GSK3B: variants seen among roughly 807,000 people sequenced by gnomAD.
GSK3B encodes the protein glycogen synthase kinase-3 beta.
Under a neutral mutation model 56.4 loss-of-function variants are expected in GSK3B, and 15 were observed. That is an observed-to-expected ratio of 0.27 (90% CI 0.18 to 0.41). The LOEUF (loss-of-function observed/expected upper bound fraction) is 0.41. Among genes scored for constraint, GSK3B ranks in the 10% least tolerant of loss-of-function variants. The pLI is 1.00. For missense variants in GSK3B, 300 were observed against 513.4 expected (o/e 0.58, Z 4.02); for synonymous variants, 181 against 188.9 (o/e 0.96, Z 0.34).
chr3:120,043,179 C>T (rs2058077214), intron 1 of GSK3B, among the ~76,000 whole-genome samples: 1 of 152,108 alleles, frequency 6.6e-6, no homozygotes, highest in Non-Finnish European at 1.5e-5. Flanking sequence ...TTACCTGCGG[C>T]TTCTAACCAC....
chr3:119,986,400 C>G (rs549533496), intron 2 of GSK3B, among the ~76,000 whole-genome samples: 2 of 151,978 alleles, frequency 1.3e-5, no homozygotes, highest in Non-Finnish European at 2.9e-5. Flanking sequence ...AACAGGCAAC[C>G]TACAGAATGG....
chr3:119,901,055 T>C (rs2056619719), intron 7 of GSK3B, among the ~76,000 whole-genome samples: 1 of 152,176 alleles, frequency 6.6e-6, no homozygotes, highest in Non-Finnish European at 1.5e-5. Context: ...GACTCTCTTC[T>C]ACAAAGCTCC....
rs558584882 is a variant in GSK3B at position 119,964,575 on chromosome 3, T to C, written c.283-17224A>G. ...GAATCAAACCTATATAAGTAGACAA[T>C]AGAATGGTGGTTACTAGGAGACAGG... On this transcript the variant is annotated intron_variant, in intron 2 of 10. Transcript: ENST00000264235. Among the ~76,000 whole-genome samples the C allele has an allele frequency of 2.0e-5, 3 of 152,168 alleles. No homozygotes were observed. The East Asian group carries it at 5.8e-4, about 29-fold the overall frequency.
rs1421363547 is a variant in GSK3B, at chr3:120,082,398, T to TA, written c.88+10948_88+10949insT. Among the ~76,000 whole-genome samples, 5 of 127,918 alleles carry TA rather than the reference T, an allele frequency of 3.9e-5. No homozygotes were observed. The East Asian group carries it at 1.0e-3, about 27-fold the overall frequency. 83.9% of individuals were successfully genotyped at this position (127,918 alleles called of 152,430 possible). ...AATTAGTATGTTCTTTTTTTTTTTT[T>TA]TTTTTTTTTTTTTTTTGAGAAAGAG... On this transcript the variant is annotated intron_variant, in intron 1 of 10. Coordinates refer to ENST00000264235, the MANE Select transcript of GSK3B (RefSeq NM_001146156.2).
intron 3 of GSK3B, among the ~76,000 whole-genome samples, chr3:119,946,132 T>C (rs889843983): frequency 4.0e-5 from 6 of 150,564 alleles, no homozygotes; most frequent in African/African-American, 1.5e-4. Flanking sequence ...AAAGGGCCAA[T>C]TTGCTAACTA....
At chr3:120,018,528 G>A (rs149763426) in intron 1 of GSK3B, among the ~76,000 whole-genome samples, 69 of 152,248 alleles carry the variant, frequency 4.5e-4, no homozygotes, top group African/African-American at 1.6e-3. Context: ...TTTAGACTGT[G>A]TAGTATTAAA....
At chr3:120,083,181 T>C (rs2058435805) in intron 1 of GSK3B, among the ~76,000 whole-genome samples, 1 of 152,188 alleles carries the variant, frequency 6.6e-6, no homozygotes, top group South Asian at 2.1e-4. Context: ...TCCAGGTATA[T>C]TTATCAAACA....
Position 119,935,500 on chromosome 3 carries a change from G to C in GSK3B, c.366+11768C>G, listed in dbSNP as rs72967200. On this transcript the variant is annotated intron_variant, in intron 3 of 10. Transcript: ENST00000264235. Reference sequence around the variant, plus strand: ...ATATGAACCCACTTTTACTTTCCTAGCCTCATCTCCACTACAATCCCCACT... The same window carrying C: ...ATATGAACCCACTTTTACTTTCCTACCCTCATCTCCACTACAATCCCCACT... Among the ~76,000 whole-genome samples the C allele has an allele frequency of 6.9e-3, 1,054 of 152,134 alleles. 8 individuals carry two copies. Among genetic ancestry groups the C allele is most frequent in the African/African-American group, 0.024 (999 of 41,504 alleles).
intron 5 of GSK3B, 110 bp from the exon 6 acceptor site, chr3:119,912,920 C>A: frequency 4.2e-6 from 2 of 478,652 alleles, no homozygotes; most frequent in African/African-American, 1.9e-5. Context: ...AGATTCACAT[C>A]ATTTGAATCA....
At chr3:119,944,200 T>C (rs552430388) in intron 3 of GSK3B, among the ~76,000 whole-genome samples, 21 of 152,138 alleles carry the variant, frequency 1.4e-4, no homozygotes, top group Non-Finnish European at 2.8e-4. Flanking sequence ...CTCCTCAAAC[T>C]TCCTGTAGGC....
chr3:120,068,963 C>T (rs2058304215), intron 1 of GSK3B, among the ~76,000 whole-genome samples: 1 of 151,906 alleles, frequency 6.6e-6, no homozygotes, highest in African/African-American at 2.4e-5. Flanking sequence ...ATAAAAATTA[C>T]TCCATTCTGC....
chr3:119,971,630 G>A (rs1245026788), intron 2 of GSK3B, among the ~76,000 whole-genome samples: 1 of 3,832 alleles, frequency 2.6e-4, no homozygotes, highest in African/African-American at 6.5e-4. Flanking sequence ...TTTTTTTTTT[G>A]AGACGGAGTC....
At chr3:119,924,099 T>TA (rs1471519459) in intron 3 of GSK3B, among the ~76,000 whole-genome samples, 1 of 152,200 alleles carries the variant, frequency 6.6e-6, no homozygotes, top group African/African-American at 2.4e-5. Context: ...AAATAACCTA[T>TA]AAGGCAACGT....
chr3:120,093,287 C>G, intron 1 of GSK3B, 60 bp downstream of exon 1: 1 of 1,076,326 alleles, frequency 9.3e-7, no homozygotes, highest in South Asian at 1.3e-5. Flanking sequence ...CCTGGTATTT[C>G]GAGGTTTCTT....
chr3:120,026,512 T>TACACACACACACACACACACAC (rs61580328), intron 1 of GSK3B, among the ~76,000 whole-genome samples: 9 of 130,444 alleles, frequency 6.9e-5, no homozygotes, highest in South Asian at 2.5e-4. Context: ...TACCGCCAAA[T>TACACACACACACACACACACAC]ACACACACAC....
chr3:119,929,771 G>A (rs1005397882), intron 3 of GSK3B, among the ~76,000 whole-genome samples: 5 of 151,858 alleles, frequency 3.3e-5, no homozygotes, highest in Non-Finnish European at 5.9e-5. Flanking sequence ...GCATGGTGGC[G>A]CATGCCTGTA....
At chr3:120,025,243 T>C (rs554913898) in intron 1 of GSK3B, among the ~76,000 whole-genome samples, 3 of 152,106 alleles carry the variant, frequency 2.0e-5, no homozygotes, top group South Asian at 4.2e-4. Context: ...ACTTGGGAGG[T>C]TGAGGCATGA....
chr3:120,054,107 C>A (rs1340317424), intron 1 of GSK3B, among the ~76,000 whole-genome samples: 1 of 152,182 alleles, frequency 6.6e-6, no homozygotes, highest in East Asian at 1.9e-4. Flanking sequence ...AGATATTCAG[C>A]ATTATCTAAA....
rs1435269360 is a variant in GSK3B, at chr3:119,822,972, T to C, written c.*3816A>G. 1 of 229,480 alleles carries C rather than the reference T, an allele frequency of 4.4e-6. No individual in the cohort carries two copies. The highest frequency in any genetic ancestry group is 2.2e-5 in the African/African-American group (1 of 45,120). The allele number at this position is 229,480 out of a possible 1,614,324, so 14.2% of individuals were successfully genotyped here. The stretch of plus-strand genomic sequence containing the variant: ...ATACTCCTCTCAGAAACCTTTGCAT[T>C]GGTGCAGACAAGATGACTGGTTAGG... On this transcript the variant is annotated 3_prime_UTR_variant, in exon 11 of 11. Transcript: ENST00000264235.
Sources: gnomAD v4.1 joint callset for allele counts (sites outside exome capture counted in the v4.1 genomes callset) on GRCh38, gnomAD v4.1.1 for gene constraint, MANE v1.5 for transcripts, NCBI Gene and HGNC (gene_info 2026-07-23, HGNC 2026-07-21) for gene names.